DYNC2H1: variants seen among roughly 807,000 people sequenced by gnomAD.
DYNC2H1 encodes cytoplasmic dynein 2 heavy chain 1.
A neutral mutation model predicts 570.0 loss-of-function variants in DYNC2H1; 410 were observed. The observed-to-expected ratio is 0.72, with a 90% CI of 0.66 to 0.78. The LOEUF is 0.78. DYNC2H1 is among the 30% of genes least tolerant of loss of function. The pLI is 0.00. For synonymous variants in DYNC2H1, 1,688 were observed against 1,677.6 expected (o/e 1.01, Z -0.15); for missense variants, 4,865 against 5,046.4 (o/e 0.96, Z 1.09).
chr11:103,393,598 C>T (rs1165274280), intron 83 of DYNC2H1, among the ~76,000 whole-genome samples: 1 of 151,960 alleles, frequency 6.6e-6, no homozygotes, highest in Non-Finnish European at 1.5e-5. Flanking sequence ...AACAAAAGCC[C>T]CTTTGTATTA....
At chr11:103,229,473 T>G (rs1420716808) in intron 59 of DYNC2H1, among the ~76,000 whole-genome samples, 2 of 152,238 alleles carry the variant, frequency 1.3e-5, no homozygotes, top group African/African-American at 4.8e-5. Flanking sequence ...TTATTTCCTT[T>G]CTTGTATACT....
chr11:103,289,745 A>G lies in DYNC2H1; in HGVS notation c.11095+2140A>G, dbSNP rs973822697. 1.3e-5 allele frequency among the ~76,000 whole-genome samples: 2 copies of G among 152,180 alleles called. No homozygotes were observed. Among genetic ancestry groups the G allele is most frequent in the African/African-American group, 4.8e-5 (2 of 41,456 alleles). ...CACCACATCCCAGCGTGGACAGCAG[A>G]GCAAGACCTCATCTCAAAGAAAAAA... On this transcript the variant is annotated intron_variant, in intron 75 of 88. Transcript: ENST00000375735. This position sits in a 1 kb window ranked among gnomAD's most constrained non-coding sequence, Gnocchi z 4.2.
chr11:103,212,843 A>G (rs1863210098), intron 54 of DYNC2H1, among the ~76,000 whole-genome samples: 2 of 152,246 alleles, frequency 1.3e-5, no homozygotes, highest in East Asian at 3.9e-4. Flanking sequence ...TTAGTTCTCT[A>G]TGGTACTTTG....
intron 76 of DYNC2H1, 136 bp downstream of exon 76, chr11:103,303,389 A>T: frequency 4.6e-6 from 4 of 861,068 alleles, no homozygotes; most frequent in Non-Finnish European, 6.6e-6. Context: ...AATCCTCAGA[A>T]CTGTGGATAT....
chr11:103,248,250 A>C (rs543527735), intron 65 of DYNC2H1, among the ~76,000 whole-genome samples: 1 of 151,962 alleles, frequency 6.6e-6, no homozygotes, highest in Non-Finnish European at 1.5e-5. Flanking sequence ...CCTGAGTGGT[A>C]TGCAATACAA....
intron 84 of DYNC2H1, among the ~76,000 whole-genome samples, chr11:103,416,517 C>T (rs1398625131): frequency 2.6e-5 from 4 of 152,144 alleles, no homozygotes; most frequent in African/African-American, 4.8e-5. Context: ...ATATCTACAA[C>T]CATCTGATGT....
At chr11:103,469,272 T>C (rs574966082) in intron 88 of DYNC2H1, among the ~76,000 whole-genome samples, 74 of 152,328 alleles carry the variant, frequency 4.9e-4, no homozygotes, top group African/African-American at 1.7e-3. Flanking sequence ...CTTTTTTCCT[T>C]TCAAAACCAT....
intron 11 of DYNC2H1, among the ~76,000 whole-genome samples, chr11:103,123,251 T>G (rs1858814688): frequency 6.6e-6 from 1 of 152,212 alleles, no homozygotes; most frequent in Non-Finnish European, 1.5e-5. Flanking sequence ...AGGATTAGTC[T>G]TTCCCCATGT....
At chr11:103,173,843 T>C (rs1295681311) in intron 35 of DYNC2H1, among the ~76,000 whole-genome samples, 1 of 152,144 alleles carries the variant, frequency 6.6e-6, no homozygotes, top group African/African-American at 2.4e-5. Flanking sequence ...ATTAGCTTGT[T>C]CATAAAAGCT....
At chr11:103,296,993 T>G (rs1011986873) in intron 75 of DYNC2H1, among the ~76,000 whole-genome samples, 1 of 152,068 alleles carries the variant, frequency 6.6e-6, no homozygotes, top group African/African-American at 2.4e-5. Flanking sequence ...TTAGAGTACT[T>G]TTCTTTTTTA....
chr11:103,115,183 T>C lies in DYNC2H1; in HGVS notation c.509T>C (p.Leu170Pro). ...KFKEDDTRGI[L>P]TPSDEFQFWI... ...CCCCTCTTGACTTTTATAGGTATCC[T>C]TACACCAAGCGATGAGTTCCAGTTT... Residue 170 changes from leucine to proline, a missense_variant, in exon 4 of 89, where the codon CTT becomes CCT. This residue lies in a region of DYNC2H1 where 1,936 missense variants were observed against 1,962.1 expected (regional missense o/e 0.99). Transcript: ENST00000375735. 1 of 1,607,670 alleles carries C rather than the reference T, an allele frequency of 6.2e-7. No homozygotes were observed. The highest frequency in any genetic ancestry group is 1.1e-5 in the South Asian group (1 of 89,506).
chr11:103,317,518 C>G (rs1297513375), intron 80 of DYNC2H1, among the ~76,000 whole-genome samples: 4 of 152,176 alleles, frequency 2.6e-5, no homozygotes, highest in Admixed American at 2.0e-4. Context: ...AGCACCCTTG[C>G]AAACATTCTT....
At chr11:103,459,042 G>C (rs1445779253) in intron 87 of DYNC2H1, among the ~76,000 whole-genome samples, 1 of 151,640 alleles carries the variant, frequency 6.6e-6, no homozygotes, top group Non-Finnish European at 1.5e-5. Flanking sequence ...GGGCGCGGTG[G>C]CTCACGCCTG....
chr11:103,383,568 C>G (rs2671395), intron 83 of DYNC2H1, among the ~76,000 whole-genome samples: 102,046 of 151,022 alleles, frequency 0.68, 34,571 homozygotes, highest in Admixed American at 0.73. Flanking sequence ...CTGCCTCCCG[C>G]GTTCACGCCA....
chr11:103,275,737 G>T lies in DYNC2H1; in HGVS notation c.10696-4611G>T. Among the ~76,000 whole-genome samples the T allele has an allele frequency of 6.6e-6, 1 of 151,964 alleles. No individual in the cohort carries two copies. The highest frequency in any genetic ancestry group is 1.9e-4 in the East Asian group (1 of 5,186). Reference sequence around the variant, plus strand: ...GTTGATTAAAATTCCTTTATCTGGAGGACCACAGTTTATCCATTCGGCATC... The same window carrying T: ...GTTGATTAAAATTCCTTTATCTGGATGACCACAGTTTATCCATTCGGCATC... On this transcript the variant is annotated intron_variant, in intron 70 of 88. Transcript: ENST00000375735. This position sits in a 1 kb window ranked among gnomAD's most constrained non-coding sequence, Gnocchi z 4.8.
At chr11:103,344,341 TC>T (rs1303961949) in intron 82 of DYNC2H1, among the ~76,000 whole-genome samples, 1 of 152,220 alleles carries the variant, frequency 6.6e-6, no homozygotes, top group Non-Finnish European at 1.5e-5. Context: ...TAGTCGTTTT[TC>T]CTCCAGTCAC....
At chr11:103,288,684 T>TAAAAAAAAAAAAAAAAAAAAA (rs57040929) in intron 75 of DYNC2H1, among the ~76,000 whole-genome samples, 12 of 27,910 alleles carry the variant, frequency 4.3e-4, no homozygotes, top group Admixed American at 1.3e-3. Flanking sequence ...CCGTCTCTAC[T>TAAAAAAAAAAAAAAAAAAAAA]AAAAAAAAAA....
chr11:103,180,280 G>A (rs562152907), intron 39 of DYNC2H1, among the ~76,000 whole-genome samples: 35 of 151,602 alleles, frequency 2.3e-4, no homozygotes, highest in African/African-American at 8.0e-4. Flanking sequence ...ATTAAATTAC[G>A]CACCTGAGGA....
intron 87 of DYNC2H1, among the ~76,000 whole-genome samples, chr11:103,457,551 TAAAAA>T (rs1384079994): frequency 2.2e-4 from 24 of 109,230 alleles, no homozygotes; most frequent in Admixed American, 1.4e-3. Context: ...AAATAAATTT[TAAAAA>T]GAAAAAACTT....
Sources: gnomAD v4.1 joint callset for allele counts (sites outside exome capture counted in the v4.1 genomes callset) on GRCh38, gnomAD v4.1.1 for gene constraint, gnomAD v4.1.1 regional missense constraint, Gnocchi (gnomAD v3.1) non-coding constraint, MANE v1.5 for transcripts, NCBI Gene and HGNC (gene_info 2026-07-23, HGNC 2026-07-21) for gene names.